Variants in TXNDC16 observed in about 807,000 individuals in gnomAD.
TXNDC16 encodes the protein thioredoxin domain containing 16.
TXNDC16 carries 74 observed loss-of-function variants against 85.6 expected under a neutral mutation model. The observed-to-expected ratio is 0.86, with a 90% CI of 0.72 to 1.05. TXNDC16 has a LOEUF of 1.05. Ranked by LOEUF, TXNDC16 falls within the 50% of genes least tolerant of loss-of-function variation. TXNDC16 has a pLI of 0.00. For missense variants in TXNDC16, 959 were observed against 947.0 expected, an observed-to-expected ratio of 1.01 and a Z score of -0.17; for synonymous variants, 335 against 326.5, an observed-to-expected ratio of 1.03 and a Z score of -0.28.
chr14:52,495,824 C>T (rs573781622), intron 9 of TXNDC16, among the ~76,000 whole-genome samples: 81 of 152,286 alleles, frequency 5.3e-4, no homozygotes, highest in Non-Finnish European at 7.5e-4. Flanking sequence ...TTGCATACAG[C>T]TCCTTGAAAA....
At chr14:52,440,508 G>T in intron 19 of TXNDC16, 56 bp downstream of exon 19, 1 of 1,388,944 alleles carries the variant, frequency 7.2e-7, no homozygotes, top group Non-Finnish European at 9.5e-7. Flanking sequence ...TAATGAAAAT[G>T]TAATAATTAT....
chr14:52,430,681 A>G lies in TXNDC16; in HGVS notation c.*1623T>C, dbSNP rs1415539607. On this transcript the variant is annotated 3_prime_UTR_variant, in exon 21 of 21. Transcript: ENST00000281741. Reference sequence around the variant, plus strand: ...GCTGACAAAGGTACAATGACTAAGCAATTTCATGTTTCTATGTGCTGGTAC... The same window carrying G: ...GCTGACAAAGGTACAATGACTAAGCGATTTCATGTTTCTATGTGCTGGTAC... The G allele has an allele frequency of 6.6e-6, 1 of 152,224 alleles. No individual in the cohort carries two copies. Among genetic ancestry groups the G allele is most frequent in the East Asian group, 1.9e-4 (1 of 5,204 alleles). The allele number at this position is 152,224 out of a possible 1,614,324, so 9.4% of individuals were successfully genotyped here. A position where few individuals can be genotyped will look rare whatever the true frequency, so the allele number is the denominator to read the frequency against.
Position 52,499,713 on chromosome 14 carries a change from A to G in TXNDC16, c.757-8708T>C, listed in dbSNP as rs570802846. 1.4e-4 allele frequency among the ~76,000 whole-genome samples: 21 copies of G among 152,206 alleles called. No individual in the cohort carries two copies. The South Asian group carries it at 4.1e-3, about 30-fold the overall frequency. ...GGTGAGACTGTAAAATGGTGCAGGC[A>G]CTATGAAAACAGTACAGTCATCCCT... On this transcript the variant is annotated intron_variant, in intron 9 of 20. Transcript: ENST00000281741.
intron 8 of TXNDC16, among the ~76,000 whole-genome samples, chr14:52,511,738 T>C (rs7148531): frequency 0.086 from 13,077 of 152,148 alleles, 615 homozygotes; most frequent in East Asian, 0.14. Context: ...TATCTTCAAA[T>C]ACAGTTGCTT....
At position 52,482,847 on chromosome 14, in the gene TXNDC16, G is replaced by C. The variant is rs566101143; in HGVS notation, c.1227C>G (p.Asp409Glu). 6.2e-6 allele frequency: 10 copies of C among 1,611,786 alleles called. No individual in the cohort carries two copies. In the Admixed American group the frequency reaches 1.3e-4, roughly 22 times the overall value. ...AACCAGCATAGAAGAGTACTATGCT[G>C]TCAGAAGCCATCACTGTTGCATTAA... ...ETFNATVMAS[D>E]SIVLFYAGWQ... The change falls in exon 13 of 21, where the codon GAC (aspartate) becomes GAG (glutamate). Residue 409 changes from aspartate (D) to glutamate (E), a missense_variant. Asp to Glu is a conservative substitution (Grantham distance 45, BLOSUM62 2). Coordinates refer to ENST00000281741, the MANE Select transcript of TXNDC16 (RefSeq NM_020784.3).
intron 20 of TXNDC16, among the ~76,000 whole-genome samples, chr14:52,437,384 C>A (rs1467282851): frequency 2.6e-5 from 4 of 152,024 alleles, no homozygotes; most frequent in African/African-American, 9.7e-5. Context: ...CAAACTGGAC[C>A]TTATCTCACT....
chr14:52,540,669 T>C (rs1304635507), intron 4 of TXNDC16, among the ~76,000 whole-genome samples: 1 of 152,124 alleles, frequency 6.6e-6, no homozygotes. Flanking sequence ...TATTTGTATC[T>C]CTCCTATTAC....
rs142782262 is a variant in TXNDC16, at chr14:52,503,795, C to T, written c.756+7445G>A. Among the ~76,000 whole-genome samples the T allele has an allele frequency of 5.8e-3, 887 of 152,188 alleles. 5 individuals are homozygous for T. The highest frequency in any genetic ancestry group is 0.02 in the African/African-American group (816 of 41,538). ...CTACTCCGAGCTAAAGAAGGAAGTT[C>T]GAAGCCATGGCAAAGAAGTTAAAAA... On this transcript the variant is annotated intron_variant, in intron 9 of 20. Transcript: ENST00000281741.
intron 9 of TXNDC16, among the ~76,000 whole-genome samples, chr14:52,507,246 C>T (rs2036832824): frequency 6.6e-6 from 1 of 152,112 alleles, no homozygotes; most frequent in Admixed American, 6.6e-5. Context: ...GTGCAAAAAT[C>T]ACAAGTATTC....
chr14:52,495,742 TC>T, intron 9 of TXNDC16, among the ~76,000 whole-genome samples: 2 of 152,348 alleles, frequency 1.3e-5, no homozygotes, highest in Middle Eastern at 3.4e-3. Flanking sequence ...CCTTATCCCA[TC>T]AAGCTTTGAT....
intron 14 of TXNDC16, among the ~76,000 whole-genome samples, chr14:52,472,317 C>A (rs1263554444): frequency 6.6e-6 from 1 of 152,000 alleles, no homozygotes; most frequent in Non-Finnish European, 1.5e-5. Context: ...CCTGCCTCAG[C>A]CTCCCGAGTA....
chr14:52,524,687 G>T (rs569476482), intron 6 of TXNDC16, among the ~76,000 whole-genome samples: 1 of 152,126 alleles, frequency 6.6e-6, no homozygotes, highest in Admixed American at 6.5e-5. Context: ...AGAGACTGGG[G>T]TCTCATTGTA....
At chr14:52,491,363 TTTTTTTA>T (rs1251165255) in intron 9 of TXNDC16, among the ~76,000 whole-genome samples, 1,760 of 124,794 alleles carry the variant, frequency 0.014, 38 homozygotes, top group African/African-American at 0.052. Flanking sequence ...TTTTTTTTTT[TTTTTTTA>T]AATTTTTTGT....
chr14:52,432,675 A>G, intron 20 of TXNDC16, 88 bp from the exon 21 acceptor site: 1 of 1,251,556 alleles, frequency 8.0e-7, no homozygotes, highest in African/African-American at 1.5e-5. Flanking sequence ...TTTGAAAAAT[A>G]TATTTGTAGA....
intron 6 of TXNDC16, 127 bp downstream of exon 6, chr14:52,536,592 G>A (rs2037706012): frequency 2.3e-6 from 2 of 876,004 alleles, no homozygotes; most frequent in Admixed American, 6.0e-5. Context: ...TTAGTAATTT[G>A]TGTTAAATTG....
intron 9 of TXNDC16, among the ~76,000 whole-genome samples, chr14:52,493,340 G>A (rs2036458788): frequency 1.3e-5 from 2 of 151,640 alleles, no homozygotes; most frequent in Admixed American, 1.3e-4. Context: ...AACACCTGAG[G>A]AAAGCCTCTA....
intron 8 of TXNDC16, among the ~76,000 whole-genome samples, chr14:52,513,645 A>G (rs780679373): frequency 1.9e-4 from 27 of 140,830 alleles, no homozygotes; most frequent in Non-Finnish European, 3.7e-4. Context: ...ATATATACAT[A>G]TTCTGTGTGT....
intron 8 of TXNDC16, among the ~76,000 whole-genome samples, chr14:52,514,601 C>T (rs1161339946): frequency 6.6e-6 from 1 of 152,088 alleles, no homozygotes; most frequent in Non-Finnish European, 1.5e-5. Flanking sequence ...GCAGGAGAAC[C>T]ATTCCTAAGA....
intron 4 of TXNDC16, among the ~76,000 whole-genome samples, chr14:52,540,409 G>A (rs764547029): frequency 5.9e-5 from 9 of 152,154 alleles, no homozygotes; most frequent in Admixed American, 1.3e-4. Flanking sequence ...AGGAACACCC[G>A]AAGTCAGGAG....
Sources: allele counts gnomAD v4.1 joint callset (sites outside exome capture counted in the v4.1 genomes callset), GRCh38; gene constraint gnomAD v4.1.1; transcripts MANE v1.5; gene names NCBI Gene and HGNC (gene_info 2026-07-23, HGNC 2026-07-21).